Variants in MUC5AC observed in about 807,000 individuals in gnomAD.
The protein encoded by MUC5AC is mucin 5AC, oligomeric mucus/gel-forming, also known as mucin-5AC.
Under a neutral mutation model 169.7 loss-of-function variants are expected in MUC5AC, and 158 were observed. The ratio of observed to expected loss-of-function variants is 0.93; its 90% CI spans 0.82 to 1.06. The LOEUF (loss-of-function observed/expected upper bound fraction) is 1.06. MUC5AC is among the 50% of genes least tolerant of loss of function. MUC5AC has a pLI of 0.00. For missense variants in MUC5AC, 4,359 were observed against 3,089.9 expected (o/e 1.41, Z -9.74); for synonymous variants, 1,975 against 1,237.0 (o/e 1.60, Z -12.52).
chr11:1,193,375 C>T (rs1011993220), intron 32 of MUC5AC, 110 bp from the exon 33 acceptor site: 3 of 620,938 alleles, frequency 4.8e-6, no homozygotes, highest in Non-Finnish European at 8.8e-6. Context: ...TGGGGCACAG[C>T]CACCCTCCCC....
chr11:1,187,847 A>C lies in MUC5AC; in HGVS notation c.9702A>C (p.Ile3234=). The change falls in exon 31 of 49, where the codon ATA becomes ATC. Residue 3234 remains isoleucine (I), a synonymous_variant. Coordinates refer to ENST00000621226, the MANE Select transcript of MUC5AC (RefSeq NM_001304359.2). Reference sequence around the variant, plus strand: ...GCACCTGGACCAAGTGGTTTGACATAGACTTCCCATCCCCTGGACCCCACG... The same window carrying C: ...GCACCTGGACCAAGTGGTTTGACATCGACTTCCCATCCCCTGGACCCCACG... ...LRCTWTKWFD[I]DFPSPGPHGG... The C allele has an allele frequency of 1.3e-6, 1 of 764,332 alleles. No homozygotes were observed. The highest frequency in any genetic ancestry group is 2.3e-4 in the Middle Eastern group (1 of 4,434). The allele number at this position is 764,332 out of a possible 1,614,324, so 47.3% of individuals were successfully genotyped here.
At chr11:1,195,749 GCCACACACCA>G in intron 36 of MUC5AC, 117 bp from the exon 37 acceptor site, 1 of 591,702 alleles carries the variant, frequency 1.7e-6, no homozygotes, top group Non-Finnish European at 3.1e-6. Context: ...CAGGAGGGCG[GCCACACACCA>G]GTGGCTGCTC....
In MUC5AC at chr11:1,190,603, C is replaced by T. The variant is rs1356691239; in HGVS notation, c.12458C>T (p.Thr4153Ile). 2.9e-6 allele frequency: 2 copies of T among 694,258 alleles called. No homozygotes were observed. Among genetic ancestry groups the T allele is most frequent in the Non-Finnish European group, 5.3e-6 (2 of 380,672 alleles). 43.0% of individuals were successfully genotyped at this position (694,258 alleles called of 1,614,324 possible). ...HRTTSGPTTS[T>I]TLAPTTSTTS... ...ACGACTTCTGGTCCTACAACCAGCA[C>T]AACCTTGGCTCCTACAACCAGCACA... Residue 4153 changes from threonine to isoleucine, a missense_variant, in exon 31 of 49, where the codon ACA (threonine) becomes ATA (isoleucine). By Grantham distance (89) the Thr-to-Ile change is moderately conservative. Transcript: ENST00000621226.
Position 1,188,604 on chromosome 11 carries a change from A to G in MUC5AC, c.10459A>G (p.Ser3487Gly), listed in dbSNP as rs1359985089. The G allele has an allele frequency of 4.6e-5, 35 of 764,914 alleles. No individual in the cohort carries two copies. In the African/African-American group the frequency reaches 5.6e-4, roughly 12 times the overall value. The allele number at this position is 764,914 out of a possible 1,614,324, so 47.4% of individuals were successfully genotyped here. A position where few individuals can be genotyped will look rare whatever the true frequency, so the allele number is the denominator to read the frequency against. ...AACCTCCGGTTCTGGAACTACTCCC[A>G]GCCCTGTTACCACCACCAGCACAGC... The part of the protein sequence containing the change: ...STTSGSGTTP[S>G]PVTTTSTASV... The change falls in exon 31 of 49, where the codon AGC becomes GGC. Residue 3487 changes from serine (S) to glycine (G), a missense_variant. Ser to Gly is a moderately conservative substitution (Grantham distance 56). Coordinates refer to ENST00000621226, the MANE Select transcript of MUC5AC (RefSeq NM_001304359.2).
rs1302298442 is a variant in MUC5AC at position 1,167,921 on chromosome 11, G to T, written c.1431G>T (p.Arg477Ser). ...TCACTGTACTGGCTGAGCTGCGCAG[G>T]TGCGGGCTGACGGACAGCGAGACCT... ...SAFTVLAELR[R>S]CGLTDSETCL... The change falls in exon 12 of 49, where the codon AGG (arginine) becomes AGT (serine). Residue 477 changes from arginine (R) to serine (S), a missense_variant. Coordinates refer to ENST00000621226, the MANE Select transcript of MUC5AC (RefSeq NM_001304359.2). 5.2e-6 allele frequency: 8 copies of T among 1,550,698 alleles called. No homozygotes were observed. Among genetic ancestry groups the T allele is most frequent in the Non-Finnish European group, 3.5e-6 (4 of 1,147,206 alleles).
At chr11:1,198,328 C>T in intron 43 of MUC5AC, 23 bp downstream of exon 43, 2 of 740,250 alleles carry the variant, frequency 2.7e-6, no homozygotes, top group Non-Finnish European at 2.5e-6. Context: ...GAGCTCAGAC[C>T]CCCTCAGCCA....
intron 15 of MUC5AC, among the ~76,000 whole-genome samples, chr11:1,171,746 C>T (rs1363380644): frequency 7.1e-6 from 1 of 141,190 alleles, no homozygotes; most frequent in Non-Finnish European, 1.5e-5. Context: ...CCCATTCACC[C>T]ACTCACCCAC....
chr11:1,185,552 T>A lies in MUC5AC; in HGVS notation c.7407T>A (p.Thr2469=). Residue 2469 remains threonine (T), a synonymous_variant, in exon 31 of 49, where the codon ACT becomes ACA. Transcript: ENST00000621226. ...STTSAPTTRT[T]SAPKSSTTSA... is the part of the protein sequence containing the mutation. ...CCTCTGCCCCTACAACAAGAACAAC[T>A]TCTGCTCCTAAAAGCAGCACAACCT... 1.6e-6 allele frequency: 1 copy of A among 644,442 alleles called. No homozygotes were observed. The highest frequency in any genetic ancestry group is 3.0e-5 in the East Asian group (1 of 33,760). 39.9% of individuals were successfully genotyped at this position (644,442 alleles called of 1,614,324 possible).
At position 1,186,921 on chromosome 11, in the gene MUC5AC, T is replaced by A; in HGVS notation, c.8776T>A (p.Ser2926Thr). The A allele has an allele frequency of 5.5e-6, 4 of 722,592 alleles. No homozygotes were observed. Among genetic ancestry groups the A allele is most frequent in the Non-Finnish European group, 1.0e-5 (4 of 396,688 alleles). The allele number at this position is 722,592 out of a possible 1,614,324, so 44.8% of individuals were successfully genotyped here. ...CTCTGCCCCTACAAGCAGCACAACCTCAGCTACTACAACCAGCACAATCTC... is the reference window on the plus strand; with the variant it reads ...CTCTGCCCCTACAAGCAGCACAACCACAGCTACTACAACCAGCACAATCTC... ...TTSAPTSSTTSATTTSTISVP... is the reference protein window; with the variant it reads ...TTSAPTSSTTTATTTSTISVP... Residue 2926 changes from serine (S) to threonine (T), a missense_variant, in exon 31 of 49, where the codon TCA (serine) becomes ACA (threonine). Physicochemically the swap from Ser to Thr is moderately conservative, Grantham distance 58. Coordinates refer to ENST00000621226, the MANE Select transcript of MUC5AC (RefSeq NM_001304359.2).
chr11:1,176,365 C>G (rs1423721240), intron 20 of MUC5AC, 114 bp downstream of exon 20: 1 of 398,574 alleles, frequency 2.5e-6, no homozygotes, highest in Non-Finnish European at 4.4e-6. Context: ...CCATGGGCTG[C>G]CCCACGTCCC....
Position 1,164,544 on chromosome 11 carries a change from C to T in MUC5AC, c.1129+12C>T. ...CTTCTGCCCTGAGGGTGAGGCTCCC[C>T]CGCCCCTGGGAAACACAGGTGCACC... On this transcript the variant is annotated intron_variant, in intron 9 of 48. Coordinates refer to ENST00000621226, the MANE Select transcript of MUC5AC (RefSeq NM_001304359.2). The T allele has an allele frequency of 1.3e-6, 2 of 1,598,588 alleles. No individual in the cohort carries two copies. Among genetic ancestry groups the T allele is most frequent in the Non-Finnish European group, 1.7e-6 (2 of 1,173,530 alleles).
Position 1,194,501 on chromosome 11 carries a change from C to T in MUC5AC, c.15021C>T (p.Asn5007=). The T allele has an allele frequency of 1.3e-6, 1 of 759,690 alleles. No homozygotes were observed. Among genetic ancestry groups the T allele is most frequent in the Non-Finnish European group, 2.4e-6 (1 of 414,244 alleles). The allele number at this position is 759,690 out of a possible 1,614,324, so 47.1% of individuals were successfully genotyped here. The change falls in exon 35 of 49, where the codon AAC becomes AAT. Residue 5007 remains asparagine, a synonymous_variant. Transcript: ENST00000621226. ...CCTGCGTCCAGATCATCTTCAACAACAAGGTGGTCAGCCCCGGCTTCCGGA... is the reference window on the plus strand; with the variant it reads ...CCTGCGTCCAGATCATCTTCAACAATAAGGTGGTCAGCCCCGGCTTCCGGA... The part of the protein sequence containing the change: ...GVMTNEIIFN[N]KVVSPGFRKN...
chr11:1,185,997 A>G lies in MUC5AC; in HGVS notation c.7852A>G (p.Ser2618Gly). Residue 2618 changes from serine (S) to glycine (G), a missense_variant, in exon 31 of 49, where the codon AGC becomes GGC. Ser to Gly is a moderately conservative substitution (Grantham distance 56). Coordinates refer to ENST00000621226, the MANE Select transcript of MUC5AC (RefSeq NM_001304359.2). ...PTTSTNSAPISSTTSATTTSR... is the reference protein window; with the variant it reads ...PTTSTNSAPIGSTTSATTTSR... ...AACCAGCACAAACTCTGCCCCTATA[A>G]GCAGCACAACCTCTGCCACTACAAC... is the stretch of plus-strand genomic sequence containing the variant. 1.4e-6 allele frequency: 1 copy of G among 729,102 alleles called. No individual in the cohort carries two copies. Among genetic ancestry groups the G allele is most frequent in the Non-Finnish European group, 2.5e-6 (1 of 399,550 alleles). 45.2% of individuals were successfully genotyped at this position (729,102 alleles called of 1,614,324 possible).
At position 1,165,431 on chromosome 11, in the gene MUC5AC, C is replaced by T. The variant is rs777771741; in HGVS notation, c.1247+12C>T. The stretch of plus-strand genomic sequence containing the variant: ...GACTGCACCAACTGGTAGGTCCCAG[C>T]CCCCCTCCAGGCCACCAAGGATGTG... On this transcript the variant is annotated intron_variant, in intron 10 of 48. Coordinates refer to ENST00000621226, the MANE Select transcript of MUC5AC (RefSeq NM_001304359.2). 5.2e-5 allele frequency: 76 copies of T among 1,474,188 alleles called. 3 individuals carry two copies. The South Asian group carries it at 8.1e-4, about 16-fold the overall frequency. The allele number at this position is 1,474,188 out of a possible 1,614,324, so 91.3% of individuals were successfully genotyped here.
At position 1,199,186 on chromosome 11, in the gene MUC5AC, G is replaced by A. The variant is rs1044211804; in HGVS notation, c.16395+1G>A. On this transcript the variant is annotated splice_donor_variant, in intron 45 of 48. Transcript: ENST00000621226. LOFTEE classifies it high-confidence loss of function. ...CAAGAGCCCCGCCCACCTCTTCTACGTGAGTAGTGGCTGCCACAAAGAGGA... is the reference window on the plus strand; with the variant it reads ...CAAGAGCCCCGCCCACCTCTTCTACATGAGTAGTGGCTGCCACAAAGAGGA... 1.3e-6 allele frequency: 1 copy of A among 760,474 alleles called. No individual in the cohort carries two copies. Among genetic ancestry groups the A allele is most frequent in the Non-Finnish European group, 2.4e-6 (1 of 416,222 alleles). The allele number at this position is 760,474 out of a possible 1,614,324, so 47.1% of individuals were successfully genotyped here.
intron 15 of MUC5AC, among the ~76,000 whole-genome samples, chr11:1,170,573 CCACTCACCTACT>C: frequency 7.4e-6 from 1 of 134,704 alleles, no homozygotes; most frequent in African/African-American, 2.8e-5. Flanking sequence ...ACCCACTCAC[CCACTCACCTACT>C]CACTCACTCA....
In MUC5AC at chr11:1,182,613, A is replaced by G; in HGVS notation, c.4468A>G (p.Thr1490Ala). Residue 1490 changes from threonine to alanine, a missense_variant, in exon 31 of 49, where the codon ACC becomes GCC. Physicochemically the swap from Thr to Ala is moderately conservative, Grantham distance 58 (BLOSUM62 0). Transcript: ENST00000621226. ...CTCCACCTCTAGCAGTCCAGCCCAG[A>G]CCACTCCTCCAACTACCTCCAAGAC... Reference protein sequence around the residue: ...PCSTSSSPAQTTPPTTSKTTE... With the variant: ...PCSTSSSPAQATPPTTSKTTE... The G allele has an allele frequency of 2.5e-6, 1 of 399,002 alleles. No individual in the cohort carries two copies. The highest frequency in any genetic ancestry group is 4.4e-6 in the Non-Finnish European group (1 of 226,474). 24.7% of individuals were successfully genotyped at this position (399,002 alleles called of 1,614,324 possible).
rs1428922519 is a variant in MUC5AC, at chr11:1,168,475, G to C, written c.1498-8G>C. On this transcript the variant is annotated splice_region_variant and splice_polypyrimidine_tract_variant and intron_variant, in intron 12 of 48. Coordinates refer to ENST00000621226, the MANE Select transcript of MUC5AC (RefSeq NM_001304359.2). Reference sequence around the variant, plus strand: ...CCCGCGCTCACACATCTGTCTGGCTGCCCTCAGGTGGTGGTGATCAAGGCC... The same window carrying C: ...CCCGCGCTCACACATCTGTCTGGCTCCCCTCAGGTGGTGGTGATCAAGGCC... The C allele has an allele frequency of 1.2e-5, 20 of 1,611,980 alleles. No homozygotes were observed. Among genetic ancestry groups the C allele is most frequent in the Non-Finnish European group, 1.6e-5 (19 of 1,179,546 alleles).
At chr11:1,158,181 G>A in intron 1 of MUC5AC, 109 bp downstream of exon 1, 1 of 993,046 alleles carries the variant, frequency 1.0e-6, no homozygotes, top group East Asian at 2.7e-5. Context: ...CATGTGCCAT[G>A]AACGGCTCCC....
Sources: gnomAD v4.1 joint callset for allele counts (sites outside exome capture counted in the v4.1 genomes callset) on GRCh38, gnomAD v4.1.1 for gene constraint, MANE v1.5 for transcripts, NCBI Gene and HGNC (gene_info 2026-07-23, HGNC 2026-07-21) for gene names.